NCOR2: variants seen among roughly 807,000 people sequenced by gnomAD.
NCOR2 encodes the protein nuclear receptor corepressor 2.
NCOR2 carries 81 observed loss-of-function variants against 262.9 expected under a neutral mutation model. That is an observed-to-expected ratio of 0.31 (90% CI 0.26 to 0.37). The LOEUF is 0.37. Among genes scored for constraint, NCOR2 ranks in the 10% least tolerant of loss-of-function variants. The pLI, the probability that NCOR2 is intolerant of heterozygous loss-of-function variation, is 1.00. For missense variants in NCOR2, 3,385 were observed against 3,621.4 expected (o/e 0.93, Z 1.68); for synonymous variants, 1,659 against 1,559.3 (o/e 1.06, Z -1.51).
At chr12:124,424,020 G>A (rs949850792) in intron 11 of NCOR2, among the ~76,000 whole-genome samples, 4 of 152,128 alleles carry the variant, frequency 2.6e-5, no homozygotes, top group Non-Finnish European at 2.9e-5. Context: ...AGGCATGCAA[G>A]TGGCCAAGTT....
At chr12:124,333,899 CGCGCATGTGTGCGGGTGT>C (rs1566353727) in intron 41 of NCOR2, among the ~76,000 whole-genome samples, 6 of 90,714 alleles carry the variant, frequency 6.6e-5, no homozygotes, top group African/African-American at 2.2e-4. Context: ...TGTGTGTGCG[CGCGCATGTGTGCGGGTGT>C]GCATGTGTGT....
At chr12:124,473,084 G>C (rs1380019543) in exon 4 of NCOR2, 2 of 1,613,926 alleles carry the variant, frequency 1.2e-6, no homozygotes, top group African/African-American at 1.3e-5. Context: ...CAGTGTGCGG[G>C]GGGCTGGGGG....
At chr12:124,484,183 G>A (rs937567496) in intron 2 of NCOR2, among the ~76,000 whole-genome samples, 4 of 152,174 alleles carry the variant, frequency 2.6e-5, no homozygotes, top group Non-Finnish European at 4.4e-5. Flanking sequence ...CAGTCCATCC[G>A]GGAAACGCTG....
In NCOR2 at chr12:124,454,694, G is replaced by A. The variant is rs535024004; in HGVS notation, c.762+2412C>T. Among the ~76,000 whole-genome samples, 4 of 152,328 alleles carry A rather than the reference G, an allele frequency of 2.6e-5. No homozygotes were observed. The East Asian group carries it at 7.7e-4, about 29-fold the overall frequency. On this transcript the variant is annotated intron_variant, in intron 6 of 46. Transcript: ENST00000405201. This position sits in a 1 kb window ranked among gnomAD's most constrained non-coding sequence, Gnocchi z 5.6. Reference sequence around the variant, plus strand: ...CGAGGCAAGAGGCAGCTTACTGGTGGAGATGTAAAATGGTACGGCCACTTT... The same window carrying A: ...CGAGGCAAGAGGCAGCTTACTGGTGAAGATGTAAAATGGTACGGCCACTTT...
Position 124,523,951 on chromosome 12 carries a change from G to A in NCOR2, c.-118+11614C>T, listed in dbSNP as rs1386594471. On this transcript the variant is annotated intron_variant, in intron 1 of 46. Coordinates refer to the NCOR2 transcript ENST00000404621. This position sits in a 1 kb window ranked among gnomAD's most constrained non-coding sequence, Gnocchi z 4.0. ...TCCAAGAATGTCAGGCCCCACTGGAGACATGGTATTGTTCTCTGAGAAACT... is the reference window on the plus strand; with the variant it reads ...TCCAAGAATGTCAGGCCCCACTGGAAACATGGTATTGTTCTCTGAGAAACT... Among the ~76,000 whole-genome samples, 1 of 152,214 alleles carries A rather than the reference G, an allele frequency of 6.6e-6. No individual in the cohort carries two copies. The highest frequency in any genetic ancestry group is 1.5e-5 in the Non-Finnish European group (1 of 68,034).
At position 124,348,850 on chromosome 12, in the gene NCOR2, G is replaced by A. The variant is rs563497152; in HGVS notation, c.3845-536C>T. 4.3e-4 allele frequency: 69 copies of A among 161,160 alleles called. No individual in the cohort carries two copies. In the South Asian group the frequency reaches 0.012, roughly 27 times the overall value. 10.0% of individuals were successfully genotyped at this position (161,160 alleles called of 1,614,324 possible). A position where few individuals can be genotyped will look rare whatever the true frequency, so the allele number is the denominator to read the frequency against. On this transcript the variant is annotated intron_variant, in intron 28 of 46. Transcript: ENST00000405201. ...GCAGGCAGGAGCACGCGTGTGCACC[G>A]ATACATCAGCAGTGTGTGGACGTGT...
chr12:124,344,575 C>G, intron 32 of NCOR2, 22 bp downstream of exon 34: 1 of 1,432,870 alleles, frequency 7.0e-7, no homozygotes, highest in Non-Finnish European at 9.2e-7. Flanking sequence ...ACCCCACTCA[C>G]GCCCATGCAC....
At position 124,466,041 on chromosome 12, in the gene NCOR2, G is replaced by A. The variant is rs748171873; in HGVS notation, c.705+132C>T. The A allele has an allele frequency of 4.1e-5, 36 of 876,890 alleles. 1 individual carries two copies. The highest frequency in any genetic ancestry group is 1.7e-4 in the South Asian group (10 of 58,446). The allele number at this position is 876,890 out of a possible 1,614,324, so 54.3% of individuals were successfully genotyped here. On this transcript the variant is annotated intron_variant, in intron 5 of 46. Transcript: ENST00000405201. ...TCCCCCACCCACTCATAAACCCTGC[G>A]TCTCTGGGGGAGAGGGTGGCGAGGT...
chr12:124,515,234 GGCAT>G (rs2049656118), intron 1 of NCOR2, among the ~76,000 whole-genome samples: 1 of 152,174 alleles, frequency 6.6e-6, no homozygotes, highest in African/African-American at 2.4e-5. Context: ...TGGGCTTGAT[GGCAT>G]GCGCCTGTAG....
intron 17 of NCOR2, among the ~76,000 whole-genome samples, 179 bp downstream of exon 19, chr12:124,385,566 C>T (rs1593312471): frequency 1.3e-5 from 2 of 152,118 alleles, no homozygotes; most frequent in Admixed American, 6.5e-5. Flanking sequence ...GCAGCATTGC[C>T]GCCTGCAGCC....
chr12:124,433,301 A>T (rs2044086642), intron 8 of NCOR2, among the ~76,000 whole-genome samples: 1 of 152,218 alleles, frequency 6.6e-6, no homozygotes, highest in South Asian at 2.1e-4. Flanking sequence ...CAGGGACGGC[A>T]ACAACCAGCC....
In NCOR2 at chr12:124,443,239, G is replaced by A. The variant is rs1357948806; in HGVS notation, c.816-5243C>T. 6.6e-6 allele frequency among the ~76,000 whole-genome samples: 1 copy of A among 152,178 alleles called. No individual in the cohort carries two copies. The highest frequency in any genetic ancestry group is 1.5e-5 in the Non-Finnish European group (1 of 68,044). ...AACGACTCGGTGAGCATGAGGCCTC[G>A]GGGTGGTGGTGATGTGCATGCAGCC... On this transcript the variant is annotated intron_variant, in intron 7 of 46. Coordinates refer to ENST00000405201, the Ensembl canonical transcript of NCOR2. This position sits in a 1 kb window ranked among gnomAD's most constrained non-coding sequence, Gnocchi z 4.4.
chr12:124,429,324 C>G (rs1421813534), intron 10 of NCOR2: 2 of 451,482 alleles, frequency 4.4e-6, no homozygotes, highest in Non-Finnish European at 4.0e-6. Flanking sequence ...GCAGGGTCCT[C>G]GTCCCCCAAC....
intron 41 of NCOR2, among the ~76,000 whole-genome samples, chr12:124,333,771 C>T (rs1470888530): frequency 1.3e-5 from 2 of 151,764 alleles, no homozygotes; most frequent in African/African-American, 2.4e-5. Context: ...GGGGTGGGGG[C>T]GGGGGTGGGA....
chr12:124,542,539 C>G (rs568374206), intron 1 of NCOR2: 16 of 152,648 alleles, frequency 1.0e-4, no homozygotes, highest in Admixed American at 1.0e-3. Flanking sequence ...CCCTAGGAAC[C>G]TGCCAGGCCA....
At chr12:124,561,030 G>C (rs1227616010) in intron 1 of NCOR2, among the ~76,000 whole-genome samples, 1 of 152,216 alleles carries the variant, frequency 6.6e-6, no homozygotes, top group Non-Finnish European at 1.5e-5. Flanking sequence ...TCTTTTGCAG[G>C]TATCTGCTTG....
At chr12:124,453,236 G>A (rs530880829) in intron 6 of NCOR2, among the ~76,000 whole-genome samples, 64 of 152,336 alleles carry the variant, frequency 4.2e-4, no homozygotes, top group African/African-American at 1.4e-3. Context: ...GGGGCCATGA[G>A]GCACCTCCAC....
rs1172032302 is a variant in NCOR2 at position 124,517,882 on chromosome 12, A to C, written c.-118+17683T>G. The stretch of plus-strand genomic sequence containing the variant: ...TCCCGCTGAGCTCAGGGCCGACAAC[A>C]CTGCGCTGCCAGGGGAGGGTCCAGC... On this transcript the variant is annotated intron_variant, in intron 1 of 46. Coordinates refer to the NCOR2 transcript ENST00000404621. This position sits in a 1 kb window ranked among gnomAD's most constrained non-coding sequence, Gnocchi z 7.6. Among the ~76,000 whole-genome samples the C allele has an allele frequency of 6.6e-6, 1 of 152,086 alleles. No homozygotes were observed. The highest frequency in any genetic ancestry group is 1.5e-5 in the Non-Finnish European group (1 of 68,002).
At chr12:124,498,404 G>A (rs987034819), upstream of NCOR2, among the ~76,000 whole-genome samples, 1 of 152,064 alleles carries the variant, frequency 6.6e-6, no homozygotes, top group Admixed American at 6.5e-5. Flanking sequence ...CTGGAACCTC[G>A]GCCCCTCACC....
Sources: gnomAD v4.1 joint callset for allele counts (sites outside exome capture counted in the v4.1 genomes callset) on GRCh38, gnomAD v4.1.1 for gene constraint, Gnocchi (gnomAD v3.1) non-coding constraint, MANE v1.5 for transcripts, NCBI Gene and HGNC (gene_info 2026-07-23, HGNC 2026-07-21) for gene names.